Variants in HDAC9 observed in about 807,000 individuals in gnomAD.
HDAC9 encodes the protein MEF-2 interacting transcription repressor (MITR) protein.
HDAC9 carries 41 observed loss-of-function variants against 139.4 expected under a neutral mutation model. The observed-to-expected ratio is 0.29, with a 90% confidence interval of 0.23 to 0.38. HDAC9 has a LOEUF of 0.38. HDAC9 is among the 10% of genes least tolerant of loss of function. The pLI is 1.00. For missense variants in HDAC9, 1,147 were observed against 1,297.0 expected (o/e 0.88, Z 1.78); for synonymous variants, 517 against 476.2 (o/e 1.09, Z -1.12).
chr7:18,260,032 T>G (rs1795546436), intron 2 of HDAC9, among the ~76,000 whole-genome samples: 1 of 152,150 alleles, frequency 6.6e-6, no homozygotes, highest in South Asian at 2.1e-4. Context: ...TCTTTATATT[T>G]TTCTTTCCTA....
intron 1 of HDAC9, among the ~76,000 whole-genome samples, chr7:18,102,706 A>G (rs1782930090): frequency 1.3e-5 from 2 of 152,206 alleles, no homozygotes; most frequent in Non-Finnish European, 2.9e-5. Context: ...CAGGATAGAG[A>G]TGACATTTCT....
intron 1 of HDAC9, among the ~76,000 whole-genome samples, chr7:18,463,593 C>A (rs1044139591): frequency 2.6e-5 from 4 of 151,796 alleles, no homozygotes; most frequent in Non-Finnish European, 5.9e-5. Flanking sequence ...CTTTGTTCTG[C>A]ATATTTTTTC....
At chr7:18,840,058 T>C (rs1796488405) in intron 21 of HDAC9, among the ~76,000 whole-genome samples, 1 of 152,182 alleles carries the variant, frequency 6.6e-6, no homozygotes, top group African/African-American at 2.4e-5. Context: ...CCTGTTTTAT[T>C]AAATAAATAA....
intron 2 of HDAC9, among the ~76,000 whole-genome samples, chr7:18,210,948 A>G (rs567025039): frequency 6.6e-6 from 1 of 152,264 alleles, no homozygotes; most frequent in South Asian, 2.1e-4. Context: ...CAAGGGTAGG[A>G]CATTTTTGTA....
In HDAC9 at chr7:18,713,560, G is replaced by C. The variant is rs116830001; in HGVS notation, c.1732-14020G>C. 3.9e-3 allele frequency among the ~76,000 whole-genome samples: 593 copies of C among 152,122 alleles called. 4 individuals carry two copies. Among genetic ancestry groups the C allele is most frequent in the African/African-American group, 0.014 (567 of 41,504 alleles). ...TTACAATTAATTTTTCAAAAGAATG[G>C]AGCCATCACAACAGATTTAGAAAGA... On this transcript the variant is annotated intron_variant, in intron 12 of 25. Coordinates refer to ENST00000686413, the MANE Select transcript of HDAC9 (RefSeq NM_178425.4).
intron 12 of HDAC9, among the ~76,000 whole-genome samples, chr7:18,715,704 G>C (rs536222312): frequency 8.5e-5 from 13 of 152,134 alleles, no homozygotes; most frequent in Non-Finnish European, 1.9e-4. Context: ...TATTATCAAT[G>C]TTAAATCTAG....
intron 2 of HDAC9, among the ~76,000 whole-genome samples, chr7:18,546,071 G>A (rs534409007): frequency 5.3e-4 from 80 of 152,202 alleles, no homozygotes; most frequent in African/African-American, 1.1e-3. Flanking sequence ...ATATGTGAAC[G>A]GGAGTAATTT....
intron 2 of HDAC9, among the ~76,000 whole-genome samples, chr7:18,226,303 T>G (rs913142305): frequency 6.6e-5 from 10 of 152,150 alleles, no homozygotes; most frequent in Non-Finnish European, 1.0e-4. Flanking sequence ...CCATCCAGTT[T>G]TGGGAGTGGT....
intron 12 of HDAC9, chr7:18,668,256 A>G (rs1795378740): frequency 4.2e-6 from 4 of 950,780 alleles, no homozygotes; most frequent in Admixed American, 6.2e-5. Context: ...ACAAATAGCT[A>G]TAATAGGAAC....
chr7:18,358,951 A>G (rs1406961341), intron 1 of HDAC9, among the ~76,000 whole-genome samples: 1 of 152,248 alleles, frequency 6.6e-6, no homozygotes, highest in Non-Finnish European at 1.5e-5. Flanking sequence ...GTGATTTGCC[A>G]TGATTTGCCC....
intron 1 of HDAC9, among the ~76,000 whole-genome samples, chr7:18,461,233 C>T (rs551276809): frequency 6.6e-6 from 1 of 152,036 alleles, no homozygotes; most frequent in African/African-American, 2.4e-5. Context: ...GAATGCAAAC[C>T]TAACCCTTTT....
chr7:18,799,548 G>A (rs1793111574), intron 17 of HDAC9, among the ~76,000 whole-genome samples: 1 of 152,130 alleles, frequency 6.6e-6, no homozygotes, highest in Admixed American at 6.6e-5. Flanking sequence ...GAGGATGTAT[G>A]ACTCTATAAA....
At chr7:18,462,939 C>A (rs1310959976) in intron 1 of HDAC9, among the ~76,000 whole-genome samples, 8 of 151,888 alleles carry the variant, frequency 5.3e-5, no homozygotes, top group Non-Finnish European at 1.2e-4. Flanking sequence ...CAATATTGAA[C>A]AGTTTTCCAG....
intron 24 of HDAC9, among the ~76,000 whole-genome samples, chr7:18,964,438 C>T (rs1046663750): frequency 6.6e-6 from 1 of 152,216 alleles, no homozygotes; most frequent in Admixed American, 6.5e-5. Context: ...ACTCATAGAG[C>T]ATGATCATTT....
intron 24 of HDAC9, among the ~76,000 whole-genome samples, chr7:18,971,924 C>T (rs1403454712): frequency 1.3e-5 from 2 of 152,190 alleles, no homozygotes; most frequent in Non-Finnish European, 2.9e-5. Context: ...AGTCATTCTT[C>T]TTAAAGACTG....
intron 21 of HDAC9, among the ~76,000 whole-genome samples, chr7:18,852,506 A>C (rs1194721817): frequency 6.6e-6 from 1 of 152,186 alleles, no homozygotes; most frequent in Non-Finnish European, 1.5e-5. Context: ...ACAAAGGCAA[A>C]AATTCAAAAA....
At chr7:18,496,128 G>A (rs1796874510) in intron 1 of HDAC9, 105 bp downstream of exon 1, 1 of 1,407,048 alleles carries the variant, frequency 7.1e-7, no homozygotes, top group African/African-American at 1.4e-5. Context: ...TCTCCTCAGG[G>A]AGGAGGGAGA....
intron 1 of HDAC9, among the ~76,000 whole-genome samples, chr7:18,142,871 G>C (rs1000992408): frequency 7.9e-5 from 12 of 152,160 alleles, no homozygotes; most frequent in Admixed American, 5.2e-4. Context: ...GGCGTAAACC[G>C]ATAGCAGCCA....
At chr7:18,459,758 A>G (rs1179922125) in intron 1 of HDAC9, among the ~76,000 whole-genome samples, 1 of 152,142 alleles carries the variant, frequency 6.6e-6, no homozygotes, top group East Asian at 1.9e-4. Context: ...CTTCCTTATT[A>G]AAGTGAAAGG....
Sources: allele counts gnomAD v4.1 joint callset (sites outside exome capture counted in the v4.1 genomes callset), GRCh38; gene constraint gnomAD v4.1.1; transcripts MANE v1.5; gene names NCBI Gene and HGNC (gene_info 2026-07-23, HGNC 2026-07-21).